USH2A: variants seen among roughly 807,000 people sequenced by gnomAD.
The protein encoded by USH2A is usherin, also known as Usher syndrome 2A (autosomal recessive, mild).
A neutral mutation model predicts 538.9 loss-of-function variants in USH2A; 443 were observed. The ratio of observed to expected loss-of-function variants is 0.82; its 90% CI spans 0.76 to 0.89. The LOEUF (loss-of-function observed/expected upper bound fraction) is 0.89, where lower values mean the gene tolerates loss of function less well. Among genes scored for constraint, USH2A ranks in the 40% least tolerant of loss-of-function variants. USH2A has a pLI of 0.00. For synonymous variants in USH2A, 2,413 were observed against 2,273.5 expected (o/e 1.06, Z -1.75); for missense variants, 6,633 against 6,324.8 (o/e 1.05, Z -1.65).
chr1:215,949,153 G>A (rs935035076), intron 37 of USH2A, among the ~76,000 whole-genome samples: 3 of 151,820 alleles, frequency 2.0e-5, no homozygotes, highest in Admixed American at 6.6e-5. Flanking sequence ...AAACACTGAC[G>A]TAATACCAGA....
chr1:216,104,395 CTCA>C (rs1286808897), intron 21 of USH2A, among the ~76,000 whole-genome samples: 1 of 152,156 alleles, frequency 6.6e-6, no homozygotes, highest in Non-Finnish European at 1.5e-5. Flanking sequence ...AGGACATGAA[CTCA>C]TCATTTTTTA....
chr1:215,840,062 C>T (rs1663632157), intron 46 of USH2A, among the ~76,000 whole-genome samples: 1 of 142,410 alleles, frequency 7.0e-6, no homozygotes, highest in Non-Finnish European at 1.5e-5. Context: ...ACTTGGGAGG[C>T]TGAGGCACGA....
intron 32 of USH2A, among the ~76,000 whole-genome samples, chr1:216,023,260 C>T (rs557350081): frequency 6.6e-6 from 1 of 152,010 alleles, no homozygotes; most frequent in African/African-American, 2.4e-5. Context: ...GTGCTCACTA[C>T]ATCAAAACTT....
intron 37 of USH2A, among the ~76,000 whole-genome samples, chr1:215,963,301 C>T (rs986409313): frequency 1.3e-5 from 2 of 152,062 alleles, no homozygotes; most frequent in African/African-American, 4.8e-5. Context: ...CAGGACAAGA[C>T]AATATTCAAA....
intron 61 of USH2A, among the ~76,000 whole-genome samples, chr1:215,711,295 CTTGGAG>C (rs1659331561): frequency 6.6e-6 from 1 of 152,084 alleles, no homozygotes; most frequent in Non-Finnish European, 1.5e-5. Flanking sequence ...TGTGTTGCGA[CTTGGAG>C]TTGAACTGAG....
At chr1:216,021,465 T>G (rs115521577) in intron 32 of USH2A, among the ~76,000 whole-genome samples, 3,462 of 152,296 alleles carry the variant, frequency 0.023, 46 homozygotes, top group Non-Finnish European at 0.036. Context: ...TCCACAGCCA[T>G]GTGGAACAGT....
chr1:215,911,106 G>A (rs1665770104), intron 38 of USH2A, among the ~76,000 whole-genome samples: 1 of 151,352 alleles, frequency 6.6e-6, no homozygotes, highest in Non-Finnish European at 1.5e-5. Flanking sequence ...ATTTATTGGG[G>A]CACATGAGAT....
chr1:215,945,965 A>C (rs1477989173), intron 37 of USH2A, among the ~76,000 whole-genome samples: 1 of 152,190 alleles, frequency 6.6e-6, no homozygotes, highest in Non-Finnish European at 1.5e-5. Context: ...TTTCAATCAC[A>C]GGGTGAAAAA....
chr1:216,319,851 G>GT (rs1443513467), intron 9 of USH2A, among the ~76,000 whole-genome samples: 1 of 152,096 alleles, frequency 6.6e-6, no homozygotes, highest in Admixed American at 6.6e-5. Context: ...TTTACAGATG[G>GT]TTTTTTAAAA....
chr1:215,723,146 C>T (rs917379266), intron 61 of USH2A, among the ~76,000 whole-genome samples: 1 of 152,092 alleles, frequency 6.6e-6, no homozygotes, highest in East Asian at 1.9e-4. Flanking sequence ...CTAAAGAGAC[C>T]CCAAGAATCT....
At chr1:215,703,792 G>A (rs1198383322) in intron 61 of USH2A, among the ~76,000 whole-genome samples, 1 of 152,134 alleles carries the variant, frequency 6.6e-6, no homozygotes, top group Non-Finnish European at 1.5e-5. Flanking sequence ...ACGGCTCCCT[G>A]GCTTCAGCCC....
chr1:215,963,785 C>T (rs1158114526), intron 37 of USH2A, among the ~76,000 whole-genome samples: 8 of 152,108 alleles, frequency 5.3e-5, no homozygotes, highest in Non-Finnish European at 1.0e-4. Context: ...ATATCTTTGA[C>T]ATAAAAGCCC....
chr1:216,378,476 T>C (rs536188545), intron 3 of USH2A, among the ~76,000 whole-genome samples: 2 of 151,864 alleles, frequency 1.3e-5, no homozygotes, highest in South Asian at 4.1e-4. Context: ...ACAGGACTTC[T>C]GATGTTTTCT....
chr1:216,142,987 A>C (rs1246736619), intron 21 of USH2A, among the ~76,000 whole-genome samples: 1 of 152,192 alleles, frequency 6.6e-6, no homozygotes, highest in African/African-American at 2.4e-5. Context: ...ATCTGTAAAC[A>C]GTTATCATGT....
Position 215,867,120 on chromosome 1 carries a change from G to A in USH2A, c.8732C>T (p.Thr2911Ile), listed in dbSNP as rs752497413. The A allele has an allele frequency of 2.2e-5, 36 of 1,613,988 alleles. No individual in the cohort carries two copies. Among genetic ancestry groups the A allele is most frequent in the Non-Finnish European group, 3.0e-5 (35 of 1,180,014 alleles). ...TGTCACAGTCACTTCTCGGCTCGGTGTAAAACCCACACTGTTGTGTACGAA... is the reference window on the plus strand; with the variant it reads ...TGTCACAGTCACTTCTCGGCTCGGTATAAAACCCACACTGTTGTGTACGAA... ...MLFVHNSVGF[T>I]PSREVTVTTL... Residue 2911 changes from threonine (T) to isoleucine (I), a missense_variant, in exon 44 of 72, where the codon ACA becomes ATA. By Grantham distance (89) the Thr-to-Ile change is moderately conservative (BLOSUM62 -1). Transcript: ENST00000307340.
intron 3 of USH2A, among the ~76,000 whole-genome samples, chr1:216,405,704 T>C (rs1332329999): frequency 1.3e-5 from 2 of 152,176 alleles, no homozygotes; most frequent in Admixed American, 1.3e-4. Context: ...GAGAAACGAA[T>C]ATGTATGTTA....
intron 47 of USH2A, among the ~76,000 whole-genome samples, chr1:215,829,573 A>G (rs1324269530): frequency 1.3e-5 from 2 of 152,190 alleles, no homozygotes; most frequent in South Asian, 2.1e-4. Context: ...TTCATTTTGC[A>G]TGTTGCTAAT....
At position 215,879,004 on chromosome 1, in the gene USH2A, G is replaced by C. The variant is rs1413784848; in HGVS notation, c.8318C>G (p.Ser2773Cys). The C allele has an allele frequency of 8.1e-6, 13 of 1,613,900 alleles. No individual in the cohort carries two copies. The highest frequency in any genetic ancestry group is 1.1e-5 in the Non-Finnish European group (13 of 1,179,892). ...DPHITLTNVT[S>C]AVLSQKVTHL... ...AGTAACTTTTTGACTTAACACTGCG[G>C]AAGTCACATTGGTTAAAGTGATGTG... The change falls in exon 42 of 72, where the codon TCC becomes TGC. Residue 2773 changes from serine to cysteine, a missense_variant. Physicochemically the swap from Ser to Cys is moderately radical, Grantham distance 112 (BLOSUM62 -1). Coordinates refer to ENST00000307340, the MANE Select transcript of USH2A (RefSeq NM_206933.4).
chr1:216,117,962 T>C (rs564857353), intron 21 of USH2A, among the ~76,000 whole-genome samples: 1 of 151,982 alleles, frequency 6.6e-6, no homozygotes, highest in Non-Finnish European at 1.5e-5. Context: ...GATATTTCTT[T>C]GGTAAAAGTG....
Sources: gnomAD v4.1 joint callset for allele counts (sites outside exome capture counted in the v4.1 genomes callset) on GRCh38, gnomAD v4.1.1 for gene constraint, MANE v1.5 for transcripts, NCBI Gene and HGNC (gene_info 2026-07-23, HGNC 2026-07-21) for gene names.